Variants in SH3RF1 observed in about 807,000 individuals in gnomAD.
SH3RF1 encodes SH3 domain containing ring finger 1, also known as E3 ubiquitin-protein ligase SH3RF1.
A neutral mutation model predicts 74.0 loss-of-function variants in SH3RF1; 32 were observed. The observed-to-expected ratio is 0.43, with a 90% CI of 0.33 to 0.58. SH3RF1 has a LOEUF of 0.58. SH3RF1 is among the 20% of genes least tolerant of loss of function. SH3RF1 has a pLI of 0.05. For missense variants in SH3RF1, 954 were observed against 1,130.9 expected (o/e 0.84, Z 2.24); for synonymous variants, 396 against 439.6 (o/e 0.90, Z 1.24).
chr4:169,210,803 T>G (rs1440585439), intron 2 of SH3RF1, among the ~76,000 whole-genome samples: 1 of 152,248 alleles, frequency 6.6e-6, no homozygotes. Flanking sequence ...CAGTTGTTTC[T>G]GTACCTCAGT....
chr4:169,111,383 T>C (rs1359426028), intron 10 of SH3RF1, among the ~76,000 whole-genome samples: 1 of 150,694 alleles, frequency 6.6e-6, no homozygotes, highest in Non-Finnish European at 1.5e-5. Flanking sequence ...GCCTCCCAAG[T>C]AGCTAGGACT....
Position 169,107,347 on chromosome 4 carries a change from T to C in SH3RF1, c.2140-142A>G, listed in dbSNP as rs534849134. 8.3e-6 allele frequency: 5 copies of C among 603,178 alleles called. 1 individual carries two copies. Among genetic ancestry groups the C allele is most frequent in the African/African-American group, 3.8e-5 (2 of 53,242 alleles). 37.4% of individuals were successfully genotyped at this position (603,178 alleles called of 1,614,324 possible). ...TCCATAGTAGGTATATGGGGCCTTA[T>C]GGTTTCAATGTTCGGTTTGATCTTT... On this transcript the variant is annotated intron_variant, in intron 10 of 11. Transcript: ENST00000284637.
intron 2 of SH3RF1, among the ~76,000 whole-genome samples, chr4:169,217,680 T>C (rs1447842234): frequency 6.6e-6 from 1 of 151,998 alleles, no homozygotes; most frequent in African/African-American, 2.4e-5. Flanking sequence ...AATAAAACAT[T>C]GGCCTGGGAG....
chr4:169,184,344 A>G (rs2126980878), intron 2 of SH3RF1, among the ~76,000 whole-genome samples: 1 of 152,356 alleles, frequency 6.6e-6, no homozygotes, highest in African/African-American at 2.4e-5. Flanking sequence ...CACACATCCA[A>G]ATAGATCTCA....
chr4:169,097,937 A>C (rs1732958921), intron 11 of SH3RF1, among the ~76,000 whole-genome samples: 3 of 152,236 alleles, frequency 2.0e-5, no homozygotes, highest in Non-Finnish European at 4.4e-5. Context: ...ATGGTAAGGC[A>C]CTGAGGCCTC....
At position 169,095,866 on chromosome 4, in the gene SH3RF1, G is replaced by A. The variant is rs1732920986; in HGVS notation, c.*653C>T. The A allele has an allele frequency of 6.6e-6, 1 of 152,204 alleles. No individual in the cohort carries two copies. Among genetic ancestry groups the A allele is most frequent in the Non-Finnish European group, 1.5e-5 (1 of 68,044 alleles). 9.4% of individuals were successfully genotyped at this position (152,204 alleles called of 1,614,324 possible). ...GGTGATTCCTACCAAACTAGAAAGA[G>A]AGGGAATCACTAACTTCTCTTCTCT... is the stretch of plus-strand genomic sequence containing the variant. On this transcript the variant is annotated 3_prime_UTR_variant, in exon 12 of 12. Transcript: ENST00000284637.
chr4:169,171,068 G>A (rs1024350180), intron 2 of SH3RF1, among the ~76,000 whole-genome samples: 2 of 152,226 alleles, frequency 1.3e-5, no homozygotes, highest in African/African-American at 4.8e-5. Context: ...CACACATAGT[G>A]AAGTATAACC....
At chr4:169,234,853 G>A (rs1217611662) in intron 2 of SH3RF1, among the ~76,000 whole-genome samples, 1 of 152,032 alleles carries the variant, frequency 6.6e-6, no homozygotes, top group African/African-American at 2.4e-5. Flanking sequence ...TGGGGAGCGT[G>A]GCTGTCCTGT....
At chr4:169,166,473 T>C (rs1022996758) in intron 2 of SH3RF1, 3 of 186,824 alleles carry the variant, frequency 1.6e-5, no homozygotes. Context: ...AGAAGTGCCA[T>C]GTACAAGAGG....
chr4:169,248,957 G>C (rs559966396), intron 2 of SH3RF1, among the ~76,000 whole-genome samples: 103 of 152,356 alleles, frequency 6.8e-4, no homozygotes, highest in Non-Finnish European at 2.2e-4. Flanking sequence ...GACGGGCCCA[G>C]TGGCTCACGC....
At chr4:169,112,628 G>A (rs1733260602) in intron 10 of SH3RF1, among the ~76,000 whole-genome samples, 1 of 152,106 alleles carries the variant, frequency 6.6e-6, no homozygotes, top group Non-Finnish European at 1.5e-5. Flanking sequence ...GATCTCCCAG[G>A]GAGCAGCCTA....
At chr4:169,135,242 C>T (rs1245583908) in intron 5 of SH3RF1, among the ~76,000 whole-genome samples, 1 of 152,118 alleles carries the variant, frequency 6.6e-6, no homozygotes, top group Non-Finnish European at 1.5e-5. Flanking sequence ...CTGTATTTTA[C>T]ATTTTCATTC....
At chr4:169,184,166 G>A (rs941378836) in intron 2 of SH3RF1, among the ~76,000 whole-genome samples, 1 of 152,156 alleles carries the variant, frequency 6.6e-6, no homozygotes, top group Non-Finnish European at 1.5e-5. Context: ...ACTGTGAACC[G>A]ACATCCCCTA....
intron 10 of SH3RF1, among the ~76,000 whole-genome samples, chr4:169,109,322 G>A (rs1008626501): frequency 2.6e-5 from 4 of 152,144 alleles, no homozygotes; most frequent in South Asian, 2.1e-4. Flanking sequence ...ATAACTCAAC[G>A]GCACTCAGGG....
At chr4:169,131,478 A>G (rs1018821230) in intron 5 of SH3RF1, among the ~76,000 whole-genome samples, 1 of 151,958 alleles carries the variant, frequency 6.6e-6, no homozygotes, top group Admixed American at 6.6e-5. Context: ...CCAAACCCTC[A>G]TTTTCTATTT....
chr4:169,259,698 G>A (rs1269730992), intron 2 of SH3RF1, among the ~76,000 whole-genome samples: 1 of 152,058 alleles, frequency 6.6e-6, no homozygotes, highest in African/African-American at 2.4e-5. Flanking sequence ...TCTAAATGAG[G>A]GAGCCTTACC....
intron 10 of SH3RF1, 81 bp from the exon 11 acceptor site, chr4:169,107,286 T>G: frequency 7.9e-7 from 1 of 1,262,554 alleles, no homozygotes; most frequent in South Asian, 1.7e-5. Flanking sequence ...TATAGTTCAT[T>G]ACTACTTTTT....
chr4:169,258,222 T>C (rs1400770233), intron 2 of SH3RF1, among the ~76,000 whole-genome samples: 1 of 152,180 alleles, frequency 6.6e-6, no homozygotes, highest in East Asian at 1.9e-4. Context: ...CTTTCCACCA[T>C]ATAGGTGATT....
chr4:169,122,229 G>A lies in SH3RF1; in HGVS notation c.1217C>T (p.Ala406Val), dbSNP rs181812660. The change falls in exon 7 of 12, where the codon GCT becomes GTT. Residue 406 changes from alanine (A) to valine (V), a missense_variant. Ala to Val is a moderately conservative substitution (Grantham distance 64, BLOSUM62 0). Coordinates refer to ENST00000284637, the MANE Select transcript of SH3RF1 (RefSeq NM_020870.4). ...NPPLPPPPLL[A>V]ATVLASTPPG... is the part of the protein sequence containing the mutation. ...TGGTGTGGAGGCAAGGACAGTGGCA[G>A]CCAGGAGAGGGGGTGGTGGAAGAGG... 1.2e-6 allele frequency: 2 copies of A among 1,610,880 alleles called. No individual in the cohort carries two copies. Among genetic ancestry groups the A allele is most frequent in the Non-Finnish European group, 1.7e-6 (2 of 1,178,352 alleles).
Sources: allele counts gnomAD v4.1 joint callset (sites outside exome capture counted in the v4.1 genomes callset), GRCh38; gene constraint gnomAD v4.1.1; transcripts MANE v1.5; gene names NCBI Gene and HGNC (gene_info 2026-07-23, HGNC 2026-07-21).